Variants in PRSS22 observed in about 807,000 individuals in gnomAD.
The protein encoded by PRSS22 is brain-specific serine protease 4.
In PRSS22, 26 loss-of-function variants were observed where a neutral mutation model predicts 28.0. The ratio of observed to expected loss-of-function variants is 0.93; its 90% CI spans 0.68 to 1.29. PRSS22 has a LOEUF of 1.29. Among genes scored for constraint, PRSS22 ranks in the 50% most tolerant of loss-of-function variants. PRSS22 has a pLI of 0.00. For synonymous variants in PRSS22, 217 were observed against 177.9 expected (o/e 1.22, Z -1.75); for missense variants, 444 against 422.1 (o/e 1.05, Z -0.46).
In PRSS22 at chr16:2,852,865, C is replaced by CG. The variant is rs1476963286; in HGVS notation, c.*227dup. On this transcript the variant is annotated 3_prime_UTR_variant, in exon 6 of 6. Coordinates refer to ENST00000161006, the MANE Select transcript of PRSS22 (RefSeq NM_022119.4). ...GGGGCGGGGCCGGAAGTCGTGGGGG[C>CG]GGGGACATGAGGCCGTTGGGCGGGG... is the stretch of plus-strand genomic sequence containing the variant. The CG allele has an allele frequency of 2.5e-5, 12 of 473,420 alleles. No individual in the cohort carries two copies. Among genetic ancestry groups the CG allele is most frequent in the Non-Finnish European group, 3.5e-5 (10 of 282,660 alleles). 29.3% of individuals were successfully genotyped at this position (473,420 alleles called of 1,614,324 possible). A position where few individuals can be genotyped will look rare whatever the true frequency, so the allele number is the denominator to read the frequency against.
chr16:2,858,059 CG>C lies in PRSS22; in HGVS notation c.45del (p.Gly16AlafsTer32), dbSNP rs2069480172. 1.6e-6 allele frequency: 2 copies of C among 1,276,956 alleles called. No individual in the cohort carries two copies. The highest frequency in any genetic ancestry group is 1.0e-6 in the Non-Finnish European group (1 of 1,003,404). 79.1% of individuals were successfully genotyped at this position (1,276,956 alleles called of 1,614,324 possible). On this transcript the variant is annotated frameshift_variant, in exon 1 of 6. Transcript: ENST00000161006. LOFTEE classifies it high-confidence loss of function. ...GAPPALGGGC[L>X]GTFTSLLLLA... ...AGCAGCAGCAGGGAGGTGAAGGTGC[CG>C]AGACAGCCCCCACCCAGGGCTGGGG...
chr16:2,855,733 A>G lies in PRSS22; in HGVS notation c.400T>C (p.Trp134Arg), dbSNP rs1365824667. The G allele has an allele frequency of 8.1e-6, 13 of 1,614,072 alleles. No individual in the cohort carries two copies. Among genetic ancestry groups the G allele is most frequent in the Non-Finnish European group, 1.0e-5 (12 of 1,180,046 alleles). Residue 134 changes from tryptophan (W) to arginine (R), a missense_variant, in exon 4 of 6, where the codon TGG (tryptophan) becomes CGG (arginine). Transcript: ENST00000161006. ...ATGTCTGCACAGGCACCTTCCTTCCAGGAATACACAGGGTGGGGCTCCACC... is the reference window on the plus strand; with the variant it reads ...ATGTCTGCACAGGCACCTTCCTTCCGGGAATACACAGGGTGGGGCTCCACC... ...AWVEPHPVYS[W>R]KEGACADIAL...
chr16:2,857,697 C>T (rs916518132), intron 1 of PRSS22: 7 of 227,514 alleles, frequency 3.1e-5, no homozygotes, highest in African/African-American at 1.6e-4. Flanking sequence ...CCTCCTGCGG[C>T]AGGAACAACA....
In PRSS22 at chr16:2,853,876, C is replaced by A. The variant is rs771328335; in HGVS notation, c.706G>T (p.Asp236Tyr). The change falls in exon 5 of 6, where the codon GAT becomes TAT. Residue 236 changes from aspartate (D) to tyrosine (Y), a missense_variant. Physicochemically the swap from Asp to Tyr is radical, Grantham distance 160 (BLOSUM62 -3). Transcript: ENST00000161006. This position sits in a 1 kb window ranked among gnomAD's most constrained non-coding sequence, Gnocchi z 4.6. Reference sequence around the variant, plus strand: ...TCGAGGGAGCTCACCAGACAAGCATCCCGCTCCCCCTCCAAGTAGCCGGCA... The same window carrying A: ...TCGAGGGAGCTCACCAGACAAGCATACCGCTCCCCCTCCAAGTAGCCGGCA... Reference protein sequence around the residue: ...LCAGYLEGERDACLGDSGGPL... With the variant: ...LCAGYLEGERYACLGDSGGPL... 4.3e-6 allele frequency: 7 copies of A among 1,614,030 alleles called. No homozygotes were observed. Among genetic ancestry groups the A allele is most frequent in the Non-Finnish European group, 5.1e-6 (6 of 1,180,008 alleles).
At chr16:2,857,120 C>A in intron 1 of PRSS22, 2 of 555,982 alleles carry the variant, frequency 3.6e-6, no homozygotes, top group South Asian at 4.1e-5. Flanking sequence ...CAGCGAGAAG[C>A]CCCCAGCACC....
rs765252733 is a variant in PRSS22 at position 2,855,704 on chromosome 16, G to T, written c.429C>A (p.Ala143=). ...GTATGGAGCGCTCGAGACGCACCAG[G>T]GCAATGTCTGCACAGGCACCTTCCT... ...SWKEGACADI[A]LVRLERSIQF... is the part of the protein sequence containing the mutation. The change falls in exon 4 of 6, where the codon GCC becomes GCA. Residue 143 remains alanine (A), a synonymous_variant. Coordinates refer to ENST00000161006, the MANE Select transcript of PRSS22 (RefSeq NM_022119.4). 4.3e-6 allele frequency: 7 copies of T among 1,614,214 alleles called. No individual in the cohort carries two copies. The Admixed American group carries it at 8.3e-5, about 19-fold the overall frequency.
intron 1 of PRSS22, 40 bp from the exon 2 acceptor site, chr16:2,856,888 C>A (rs1306184351): frequency 1.3e-6 from 2 of 1,550,418 alleles, no homozygotes; most frequent in Non-Finnish European, 8.7e-7. Flanking sequence ...CGGTGAGGGG[C>A]CCCAGGACAC....
rs2069424967 is a variant in PRSS22, at chr16:2,853,357, C to A, written c.718-28G>T. The A allele has an allele frequency of 3.8e-6, 6 of 1,564,472 alleles. No individual in the cohort carries two copies. The highest frequency in any genetic ancestry group is 5.2e-6 in the Non-Finnish European group (6 of 1,157,084). On this transcript the variant is annotated intron_variant, in intron 5 of 5. Transcript: ENST00000161006. The surrounding 1 kb of genome is among the most constrained non-coding windows in gnomAD (Gnocchi z 4.6). ...GCAGAGAGGAGGCGAGGTTAGGAACCCCCGTGGCACAGGGGGTGGCAGAAT... is the reference window on the plus strand; with the variant it reads ...GCAGAGAGGAGGCGAGGTTAGGAACACCCGTGGCACAGGGGGTGGCAGAAT...
rs1370572974 is a variant in PRSS22, at chr16:2,855,786, G to A, written c.347C>T (p.Ser116Phe). ...LGAWQLGNPG[S>F]RSQKVGVAWV... ...GGCAACACCCACCTTCTGGGACCGA[G>A]AGCCAGGGTTCCCCAGCTGCCAGGC... The change falls in exon 4 of 6, where the codon TCT (serine) becomes TTT (phenylalanine). Residue 116 changes from serine to phenylalanine, a missense_variant. Physicochemically the swap from Ser to Phe is radical, Grantham distance 155. Coordinates refer to ENST00000161006, the MANE Select transcript of PRSS22 (RefSeq NM_022119.4). 6.2e-7 allele frequency: 1 copy of A among 1,613,936 alleles called. No homozygotes were observed. Among genetic ancestry groups the A allele is most frequent in the African/African-American group, 1.3e-5 (1 of 74,934 alleles).
intron 4 of PRSS22, 48 bp from the exon 5 acceptor site, chr16:2,854,070 T>C: frequency 6.2e-7 from 1 of 1,607,478 alleles, no homozygotes; most frequent in South Asian, 1.1e-5. Flanking sequence ...CCCCTCCTCG[T>C]TGCCTCCTCA....
Position 2,858,004 on chromosome 16 carries a change from G to A in PRSS22, c.82+19C>T, listed in dbSNP as rs1427513709. The A allele has an allele frequency of 1.6e-6, 2 of 1,268,518 alleles. No homozygotes were observed. 78.6% of individuals were successfully genotyped at this position (1,268,518 alleles called of 1,614,324 possible). A position where few individuals can be genotyped will look rare whatever the true frequency, so the allele number is the denominator to read the frequency against. On this transcript the variant is annotated intron_variant, in intron 1 of 5. Coordinates refer to ENST00000161006, the MANE Select transcript of PRSS22 (RefSeq NM_022119.4). ...GGTGGAGGTGAGAGGGAGGAGGGAG[G>A]AGCAGCCTCCGGACGTACCTGTCGA...
intron 2 of PRSS22, 107 bp downstream of exon 2, chr16:2,856,715 C>A (rs1483065732): frequency 7.5e-6 from 10 of 1,335,856 alleles, no homozygotes; most frequent in East Asian, 5.0e-5. Context: ...TTCCCCCTCT[C>A]ACCCCAGCCC....
chr16:2,853,762 G>A lies in PRSS22; in HGVS notation c.717+103C>T. 5 of 1,332,662 alleles carry A rather than the reference G, an allele frequency of 3.8e-6. No homozygotes were observed. Among genetic ancestry groups the A allele is most frequent in the African/African-American group, 1.4e-5 (1 of 69,992 alleles). The allele number at this position is 1,332,662 out of a possible 1,614,324, so 82.6% of individuals were successfully genotyped here. A position where few individuals can be genotyped will look rare whatever the true frequency, so the allele number is the denominator to read the frequency against. ...ACTGTCAGGCACAGCCAGTTCTGGG[G>A]AGGAGGCCAGGGAGAGGTTGTGGGG... is the stretch of plus-strand genomic sequence containing the variant. On this transcript the variant is annotated intron_variant, in intron 5 of 5. Coordinates refer to ENST00000161006, the MANE Select transcript of PRSS22 (RefSeq NM_022119.4). The surrounding 1 kb of genome is among the most constrained non-coding windows in gnomAD (Gnocchi z 4.6).
Position 2,853,829 on chromosome 16 carries a change from C to G in PRSS22, c.717+36G>C. On this transcript the variant is annotated intron_variant, in intron 5 of 5. Coordinates refer to ENST00000161006, the MANE Select transcript of PRSS22 (RefSeq NM_022119.4). This position sits in a 1 kb window ranked among gnomAD's most constrained non-coding sequence, Gnocchi z 4.6. ...CTGACGCTGGCTCCTTCCCGAGGCC[C>G]TCCTGGCCAGGGGTGGGGGGCTCGA... The G allele has an allele frequency of 6.2e-7, 1 of 1,610,206 alleles. No individual in the cohort carries two copies. The highest frequency in any genetic ancestry group is 1.3e-5 in the African/African-American group (1 of 75,012).
At position 2,856,102 on chromosome 16, in the gene PRSS22, A is replaced by C; in HGVS notation, c.261T>G (p.Thr87=). ...CATACTCCTTGAAACAGTGGGCAGC[A>C]GTGATCACCCAGCGGCTGGTGAGCA... ...GSLLTSRWVI[T]AAHCFKDNLN... Residue 87 remains threonine (T), a synonymous_variant, in exon 3 of 6, where the codon ACT becomes ACG. Coordinates refer to ENST00000161006, the MANE Select transcript of PRSS22 (RefSeq NM_022119.4). 2 of 1,613,958 alleles carry C rather than the reference A, an allele frequency of 1.2e-6. No individual in the cohort carries two copies. Among genetic ancestry groups the C allele is most frequent in the Non-Finnish European group, 1.7e-6 (2 of 1,179,946 alleles).
Position 2,856,649 on chromosome 16 carries a change from C to G in PRSS22, c.109+173G>C, listed in dbSNP as rs1051430879. On this transcript the variant is annotated intron_variant, in intron 2 of 5. Transcript: ENST00000161006. ...TCTCTCCTCTGGCCCTGGCATCTCT[C>G]AAGCCTTTCTCCTTGCATCCGTGTC... is the stretch of plus-strand genomic sequence containing the variant. 3.3e-5 allele frequency among the ~76,000 whole-genome samples: 5 copies of G among 152,138 alleles called. No homozygotes were observed. The South Asian group carries it at 6.2e-4, about 19-fold the overall frequency.
intron 1 of PRSS22, among the ~76,000 whole-genome samples, chr16:2,857,328 A>AG: frequency 8.2e-6 from 1 of 122,008 alleles, no homozygotes; most frequent in East Asian, 2.7e-4. Flanking sequence ...CCCAGTGACG[A>AG]GGGGGTCCCA....
At chr16:2,855,451 C>T (rs1010524654) in intron 4 of PRSS22, 123 bp downstream of exon 4, 1 of 1,064,016 alleles carries the variant, frequency 9.4e-7, no homozygotes, top group Non-Finnish European at 1.3e-6. Flanking sequence ...TCTTTCCTTC[C>T]ACCTCTGTCA....
Position 2,858,014 on chromosome 16 carries a change from C to T in PRSS22, c.82+9G>A, listed in dbSNP as rs996483597. 1.5e-5 allele frequency: 19 copies of T among 1,272,980 alleles called. No individual in the cohort carries two copies. Among genetic ancestry groups the T allele is most frequent in the African/African-American group, 9.3e-5 (6 of 64,756 alleles). 78.9% of individuals were successfully genotyped at this position (1,272,980 alleles called of 1,614,324 possible). A position where few individuals can be genotyped will look rare whatever the true frequency, so the allele number is the denominator to read the frequency against. On this transcript the variant is annotated intron_variant, in intron 1 of 5. Coordinates refer to ENST00000161006, the MANE Select transcript of PRSS22 (RefSeq NM_022119.4). ...AGAGGGAGGAGGGAGGAGCAGCCTC[C>T]GGACGTACCTGTCGACGCCAGCAGC...
Sources: allele counts gnomAD v4.1 joint callset (sites outside exome capture counted in the v4.1 genomes callset), GRCh38; gene constraint gnomAD v4.1.1; non-coding constraint Gnocchi (gnomAD v3.1); transcripts MANE v1.5; gene names NCBI Gene and HGNC (gene_info 2026-07-23, HGNC 2026-07-21).